Variants in CTNNA2 observed in about 807,000 individuals in gnomAD.
CTNNA2 encodes the protein catenin alpha 2, also known as catenin alpha-2.
A neutral mutation model predicts 101.0 loss-of-function variants in CTNNA2; 42 were observed. The ratio of observed to expected loss-of-function variants is 0.42; its 90% CI spans 0.32 to 0.54. The LOEUF is 0.54. CTNNA2 is among the 20% of genes least tolerant of loss of function. The pLI is 0.14. For synonymous variants in CTNNA2, 450 were observed against 456.4 expected, an observed-to-expected ratio of 0.99 and a Z score of 0.18; for missense variants, 871 against 1,223.1, an observed-to-expected ratio of 0.71 and a Z score of 4.29.
chr2:80,533,138 C>T (rs1201422877), intron 9 of CTNNA2, among the ~76,000 whole-genome samples: 1 of 152,168 alleles, frequency 6.6e-6, no homozygotes, highest in Non-Finnish European at 1.5e-5. Context: ...TAGGTATCCT[C>T]CATCCATATA....
chr2:79,743,490 C>T (rs2104986133), intron 2 of CTNNA2, among the ~76,000 whole-genome samples: 1 of 151,584 alleles, frequency 6.6e-6, no homozygotes, highest in Admixed American at 6.6e-5. Context: ...GAGTCTGAAT[C>T]ATTTATTTCC....
chr2:79,509,850 C>T (rs897756340), upstream of CTNNA2, among the ~76,000 whole-genome samples: 7 of 152,004 alleles, frequency 4.6e-5, no homozygotes, highest in South Asian at 2.1e-4. Flanking sequence ...TTGTGGGGGC[C>T]GGAGGTATAT....
intron 1 of CTNNA2, among the ~76,000 whole-genome samples, chr2:79,632,588 A>C (rs1399580942): frequency 6.6e-6 from 1 of 152,204 alleles, no homozygotes; most frequent in Admixed American, 6.5e-5. Context: ...CCAAGGCCCA[A>C]GTTATGTTAT....
chr2:79,898,430 C>T lies in CTNNA2; in HGVS notation c.853-11164C>T, dbSNP rs562992229. 3.9e-5 allele frequency among the ~76,000 whole-genome samples: 6 copies of T among 152,150 alleles called. No homozygotes were observed. The South Asian group carries it at 6.2e-4, about 16-fold the overall frequency. On this transcript the variant is annotated intron_variant, in intron 6 of 18. Coordinates refer to ENST00000402739, the MANE Select transcript of CTNNA2 (RefSeq NM_001282597.3). Reference sequence around the variant, plus strand: ...GATTACAGATGTGAGCCACTGTGCCCGGCCGGTCTTAGATTATATTGATGC... The same window carrying T: ...GATTACAGATGTGAGCCACTGTGCCTGGCCGGTCTTAGATTATATTGATGC...
At chr2:79,339,279 A>G (rs1677076121) in intron 3 of CTNNA2, among the ~76,000 whole-genome samples, 1 of 152,204 alleles carries the variant, frequency 6.6e-6, no homozygotes, top group Non-Finnish European at 1.5e-5. Context: ...AGAGCATTTC[A>G]AGGGGAGTGA....
rs146456345 is a variant in CTNNA2, at chr2:80,192,316, C to A, written c.1057-200895C>A. On this transcript the variant is annotated intron_variant, in intron 7 of 18. Transcript: ENST00000402739. ...TTCTTCTAATTCAAAGTTGTTTTCACTCTATCGCAAGCCTTACCTTAGCCA... is the reference window on the plus strand; with the variant it reads ...TTCTTCTAATTCAAAGTTGTTTTCAATCTATCGCAAGCCTTACCTTAGCCA... Among the ~76,000 whole-genome samples, 316 of 152,272 alleles carry A rather than the reference C, an allele frequency of 2.1e-3. 1 individual carries two copies. The highest frequency in any genetic ancestry group is 7.3e-3 in the African/African-American group (305 of 41,560).
chr2:80,299,720 T>C (rs1280142435), intron 7 of CTNNA2: 2 of 152,138 alleles, frequency 1.3e-5, no homozygotes, highest in African/African-American at 4.8e-5. Context: ...AAGATAAAAA[T>C]GTCTTGGGGA....
chr2:80,615,806 G>A (rs977057487), intron 17 of CTNNA2, among the ~76,000 whole-genome samples: 2 of 151,488 alleles, frequency 1.3e-5, no homozygotes, highest in Non-Finnish European at 3.0e-5. Context: ...CCACTTTATG[G>A]CCCATGTATC....
chr2:79,400,165 G>C (rs1678274559), intron 4 of CTNNA2, among the ~76,000 whole-genome samples: 1 of 152,058 alleles, frequency 6.6e-6, no homozygotes, highest in Admixed American at 6.6e-5. Context: ...ATTCTCTTGA[G>C]TTTCTGATTA....
chr2:79,416,257 C>CTTTTTTTTTTTTTTTT (rs66830925), intron 4 of CTNNA2, among the ~76,000 whole-genome samples: 1 of 94,656 alleles, frequency 1.1e-5, no homozygotes, highest in Non-Finnish European at 2.1e-5. Context: ...CTTTCCTTTT[C>CTTTTTTTTTTTTTTTT]TTTTTTTTTT....
chr2:79,621,707 A>C (rs1679008022), intron 1 of CTNNA2, among the ~76,000 whole-genome samples: 1 of 152,186 alleles, frequency 6.6e-6, no homozygotes, highest in African/African-American at 2.4e-5. Context: ...TACCTCTAAA[A>C]AGTACAGTAT....
rs77878884 is a variant in CTNNA2 at position 80,132,534 on chromosome 2, G to A, written c.1056+222737G>A. 3.5e-3 allele frequency among the ~76,000 whole-genome samples: 525 copies of A among 152,142 alleles called. 3 individuals are homozygous for A. Among genetic ancestry groups the A allele is most frequent in the African/African-American group, 0.012 (496 of 41,514 alleles). On this transcript the variant is annotated intron_variant, in intron 7 of 18. Transcript: ENST00000402739. Reference sequence around the variant, plus strand: ...TCCCTCCTAGGATGGGTGGTGTAAGGGCTTTATCATTGTTACTACCTTTGA... The same window carrying A: ...TCCCTCCTAGGATGGGTGGTGTAAGAGCTTTATCATTGTTACTACCTTTGA...
intron 3 of CTNNA2, among the ~76,000 whole-genome samples, chr2:79,849,333 T>C (rs1377874258): frequency 1.3e-5 from 2 of 151,542 alleles, no homozygotes; most frequent in East Asian, 3.9e-4. Flanking sequence ...TTCTTCTGAA[T>C]ACTGCTTATT....
intron 2 of CTNNA2, among the ~76,000 whole-genome samples, chr2:79,666,980 A>C (rs1263324592): frequency 1.3e-5 from 2 of 152,108 alleles, no homozygotes; most frequent in Non-Finnish European, 2.9e-5. Flanking sequence ...CTTTTTTTTA[A>C]GATCAGGAAG....
intron 6 of CTNNA2, among the ~76,000 whole-genome samples, chr2:79,894,111 C>G (rs1684528910): frequency 6.7e-6 from 1 of 148,710 alleles, no homozygotes; most frequent in Admixed American, 6.8e-5. Context: ...TCCTCTTCTT[C>G]TTTTTTAAGC....
At chr2:79,391,937 C>T (rs1245692953) in intron 4 of CTNNA2, among the ~76,000 whole-genome samples, 2 of 152,174 alleles carry the variant, frequency 1.3e-5, no homozygotes, top group East Asian at 1.9e-4. Flanking sequence ...GCTGCATCCT[C>T]ACACATAATC....
chr2:79,578,564 G>T (rs895589992), intron 1 of CTNNA2, among the ~76,000 whole-genome samples: 12 of 152,026 alleles, frequency 7.9e-5, no homozygotes, highest in African/African-American at 2.9e-4. Context: ...TTCTGTATGG[G>T]TGAAGTAGGG....
chr2:79,366,612 G>A (rs1573125935), intron 3 of CTNNA2, among the ~76,000 whole-genome samples: 2 of 152,276 alleles, frequency 1.3e-5, no homozygotes, highest in South Asian at 2.1e-4. Flanking sequence ...AAAAATGGAA[G>A]TAATATCCTG....
intron 2 of CTNNA2, among the ~76,000 whole-genome samples, chr2:79,274,329 A>T (rs964347664): frequency 8.5e-5 from 13 of 152,050 alleles, no homozygotes; most frequent in African/African-American, 2.7e-4. Context: ...GCATACACTG[A>T]GTTTGATGCC....
Sources: allele counts gnomAD v4.1 joint callset (sites outside exome capture counted in the v4.1 genomes callset), GRCh38; gene constraint gnomAD v4.1.1; transcripts MANE v1.5; gene names NCBI Gene and HGNC (gene_info 2026-07-23, HGNC 2026-07-21).